The following AKAP13 variants were observed in gnomAD, a reference collection of about 807,000 sequenced individuals.
AKAP13 encodes the protein A-kinase anchor protein 13.
Under a neutral mutation model 264.5 loss-of-function variants are expected in AKAP13, and 80 were observed. The observed-to-expected ratio is 0.30, with a 90% CI of 0.25 to 0.36. The LOEUF (loss-of-function observed/expected upper bound fraction) is 0.36. AKAP13 is among the 10% of genes least tolerant of loss of function. AKAP13 has a pLI of 1.00. For missense variants in AKAP13, 3,712 were observed against 3,435.2 expected (o/e 1.08, Z -2.01); for synonymous variants, 1,380 against 1,250.2 (o/e 1.10, Z -2.19).
Position 85,518,434 on chromosome 15 carries a change from A to C in AKAP13, c.34-2994A>C, listed in dbSNP as rs969835723. Among the ~76,000 whole-genome samples, 6 of 152,360 alleles carry C rather than the reference A, an allele frequency of 3.9e-5. No homozygotes were observed. The South Asian group carries it at 1.0e-3, about 26-fold the overall frequency. ...AGGTGCCTTCGGAATCTAAATTTCAAGAGGCTTTGAAATGAATGGAGCTTC... is the reference window on the plus strand; with the variant it reads ...AGGTGCCTTCGGAATCTAAATTTCACGAGGCTTTGAAATGAATGGAGCTTC... On this transcript the variant is annotated intron_variant, in intron 2 of 36. Transcript: ENST00000394518.
chr15:85,686,526 G>A (rs2084939986), intron 16 of AKAP13, among the ~76,000 whole-genome samples: 1 of 152,036 alleles, frequency 6.6e-6, no homozygotes, highest in African/African-American at 2.4e-5. Context: ...AGGCAATCAG[G>A]GAGAGATGCA....
At chr15:85,741,546 C>A in intron 35 of AKAP13, 51 bp downstream of exon 35, 1 of 1,515,230 alleles carries the variant, frequency 6.6e-7, no homozygotes, top group Non-Finnish European at 8.8e-7. Context: ...TAATTAAGAC[C>A]CCCTGTGTAT....
At chr15:85,520,424 G>GGAGTTGGA (rs1857632009) in intron 2 of AKAP13, among the ~76,000 whole-genome samples, 1 of 148,948 alleles carries the variant, frequency 6.7e-6, no homozygotes, top group African/African-American at 2.5e-5. Context: ...CTTGAACCTA[G>GGAGTTGGA]GAGTTGGAGG....
chr15:85,655,709 G>T lies in AKAP13; in HGVS notation c.4667G>T (p.Arg1556Leu), dbSNP rs553130968. 1 of 1,614,134 alleles carries T rather than the reference G, an allele frequency of 6.2e-7. No individual in the cohort carries two copies. The highest frequency in any genetic ancestry group is 8.5e-7 in the Non-Finnish European group (1 of 1,179,998). ...ANCSVLRSSMRSLSPFRRHSW... is the reference protein window; with the variant it reads ...ANCSVLRSSMLSLSPFRRHSW... ...TGCTCTGTCCTAAGGAGCTCCATGC[G>T]CTCTCTTTCTCCCTTCCGGAGGCAC... The change falls in exon 11 of 37, where the codon CGC (arginine) becomes CTC (leucine). Residue 1556 changes from arginine (R) to leucine (L), a missense_variant. Physicochemically the swap from Arg to Leu is moderately radical, Grantham distance 102. Transcript: ENST00000394518.
At chr15:85,433,890 G>A (rs532261124) in intron 1 of AKAP13, among the ~76,000 whole-genome samples, 7 of 151,976 alleles carry the variant, frequency 4.6e-5, no homozygotes, top group African/African-American at 1.7e-4. Flanking sequence ...GCGGTGAGCC[G>A]AGATTGTGCC....
At chr15:85,644,802 G>T (rs1395668067) in intron 9 of AKAP13, among the ~76,000 whole-genome samples, 1 of 151,956 alleles carries the variant, frequency 6.6e-6, no homozygotes, top group Non-Finnish European at 1.5e-5. Context: ...GGAGGCGGAA[G>T]TTGCAAAAAC....
intron 1 of AKAP13, among the ~76,000 whole-genome samples, chr15:85,424,809 C>G (rs1020295784): frequency 6.6e-6 from 1 of 152,132 alleles, no homozygotes; most frequent in Non-Finnish European, 1.5e-5. Flanking sequence ...TTCACTTGAA[C>G]ACTTAGAAGC....
At chr15:85,534,079 C>T (rs922359380) in intron 4 of AKAP13, 199 bp downstream of exon 4, 28 of 552,870 alleles carry the variant, frequency 5.1e-5, no homozygotes, top group South Asian at 1.6e-4. Context: ...GTTGTTGCAG[C>T]GAAATGACCC....
chr15:85,553,352 T>C (rs2078031827), intron 5 of AKAP13, among the ~76,000 whole-genome samples: 1 of 152,164 alleles, frequency 6.6e-6, no homozygotes, highest in Non-Finnish European at 1.5e-5. Context: ...CCTCCCAAAG[T>C]GCTGGGATTA....
At position 85,708,536 on chromosome 15, in the gene AKAP13, TC is replaced by T. The variant is rs2086445488; in HGVS notation, c.5532+451del. Reference sequence around the variant, plus strand: ...GCCCCAGCCTGTCTGGTAGCACTTTTCTCCTCAGGTATGTAATATAGGTGGC... The same window carrying T: ...GCCCCAGCCTGTCTGGTAGCACTTTTTCCTCAGGTATGTAATATAGGTGGC... On this transcript the variant is annotated intron_variant, in intron 18 of 36. Coordinates refer to ENST00000394518, the MANE Select transcript of AKAP13 (RefSeq NM_007200.5). The surrounding 1 kb of genome is among the most constrained non-coding windows in gnomAD (Gnocchi z 4.3). Among the ~76,000 whole-genome samples the T allele has an allele frequency of 6.6e-6, 1 of 152,026 alleles. No individual in the cohort carries two copies. The highest frequency in any genetic ancestry group is 6.6e-5 in the Admixed American group (1 of 15,264).
chr15:85,640,064 T>C (rs2082239669), intron 9 of AKAP13, among the ~76,000 whole-genome samples: 1 of 152,196 alleles, frequency 6.6e-6, no homozygotes, highest in Non-Finnish European at 1.5e-5. Context: ...GCACATAGCT[T>C]GTGATTAGTT....
chr15:85,705,318 C>T (rs1212443746), intron 17 of AKAP13, among the ~76,000 whole-genome samples: 3 of 152,248 alleles, frequency 2.0e-5, no homozygotes, highest in African/African-American at 4.8e-5. Flanking sequence ...AAGAACAGAA[C>T]TTGGAAACAA....
At chr15:85,645,766 GGTTTTTTT>G (rs1177349107) in intron 9 of AKAP13, 44 bp from the exon 10 acceptor site, 2 of 1,456,042 alleles carry the variant, frequency 1.4e-6, no homozygotes, top group Non-Finnish European at 1.8e-6. Context: ...TTTGTTTTTT[GGTTTTTTT>G]GTTTTTTTTT....
At position 85,581,908 on chromosome 15, in the gene AKAP13, G is replaced by A. The variant is rs149542734; in HGVS notation, c.3840G>A (p.Leu1280=). The A allele has an allele frequency of 3.5e-5, 56 of 1,614,084 alleles. No homozygotes were observed. In the African/African-American group the frequency reaches 7.3e-4, roughly 21 times the overall value. ...AGGGGGAGGCCTGTCACATGTCACT[G>A]TCCAGCCCTGAGTTGGGTCCTCTCA... is the stretch of plus-strand genomic sequence containing the variant. ...LTEGEACHMS[L]SSPELGPLTK... is the part of the protein sequence containing the mutation. Residue 1280 remains leucine, a synonymous_variant, in exon 7 of 37, where the codon CTG becomes CTA. Transcript: ENST00000394518.
At chr15:85,458,393 G>GTTTTTTTTTTTTTTTTTTTTTTTTTTTTT (rs4037636) in intron 1 of AKAP13, among the ~76,000 whole-genome samples, 1 of 120,664 alleles carries the variant, frequency 8.3e-6, no homozygotes, top group African/African-American at 3.3e-5. Context: ...TTTGTTTTTT[G>GTTTTTTTTTTTTTTTTTTTTTTTTTTTTT]TTTTTTTTTT....
At position 85,710,525 on chromosome 15, in the gene AKAP13, T is replaced by C. The variant is rs2086581076; in HGVS notation, c.5533-54T>C. On this transcript the variant is annotated intron_variant, in intron 18 of 36. Coordinates refer to ENST00000394518, the MANE Select transcript of AKAP13 (RefSeq NM_007200.5). ...CTGCTTGCTCCCTTCCTACTCGGCTTCTCAGGGCTTGTCAGAGGTGAATTG... is the reference window on the plus strand; with the variant it reads ...CTGCTTGCTCCCTTCCTACTCGGCTCCTCAGGGCTTGTCAGAGGTGAATTG... 3 of 1,579,816 alleles carry C rather than the reference T, an allele frequency of 1.9e-6. No individual in the cohort carries two copies. In the East Asian group the frequency reaches 6.7e-5, roughly 35 times the overall value.
intron 2 of AKAP13, among the ~76,000 whole-genome samples, chr15:85,502,007 C>T (rs73450329): frequency 0.16 from 24,206 of 152,146 alleles, 3,003 homozygotes; most frequent in African/African-American, 0.33. Context: ...GCTGTGGGGT[C>T]ACTGGTTCTC....
intron 2 of AKAP13, among the ~76,000 whole-genome samples, chr15:85,504,849 C>CTCTCGCTTGCTCTT (rs1400555297): frequency 1.1e-4 from 16 of 152,074 alleles, no homozygotes; most frequent in Non-Finnish European, 2.2e-4. Context: ...GGTAGAGACA[C>CTCTCGCTTGCTCTT]TCTCGCTTGC....
chr15:85,435,009 A>G (rs1330289022), intron 1 of AKAP13, among the ~76,000 whole-genome samples: 6 of 150,974 alleles, frequency 4.0e-5, no homozygotes, highest in South Asian at 2.1e-4. Flanking sequence ...GGCTTCAGAC[A>G]ATCAAATTAC....
Sources: allele counts gnomAD v4.1 joint callset (sites outside exome capture counted in the v4.1 genomes callset), GRCh38; gene constraint gnomAD v4.1.1; non-coding constraint Gnocchi (gnomAD v3.1); transcripts MANE v1.5; gene names NCBI Gene and HGNC (gene_info 2026-07-23, HGNC 2026-07-21).